The following CSMD1 variants were observed in gnomAD, a reference collection of about 807,000 sequenced individuals.
CSMD1 encodes CUB and sushi domain-containing protein 1.
Under a neutral mutation model 417.5 loss-of-function variants are expected in CSMD1, and 213 were observed. The observed-to-expected ratio is 0.51, with a 90% CI of 0.46 to 0.57. The LOEUF (loss-of-function observed/expected upper bound fraction) is 0.57, where lower values mean the gene tolerates loss of function less well. CSMD1 is among the 20% of genes least tolerant of loss of function. The probability of loss-of-function intolerance (pLI) is 0.00; values close to 1 mark genes in which losing one functional copy is unlikely to be tolerated. For synonymous variants in CSMD1, 2,862 were observed against 1,736.8 expected (o/e 1.65, Z -16.11); for missense variants, 6,923 against 4,529.7 (o/e 1.53, Z -15.17).
chr8:4,091,804 G>A (rs1800734940), intron 3 of CSMD1, among the ~76,000 whole-genome samples: 1 of 152,128 alleles, frequency 6.6e-6, no homozygotes, highest in South Asian at 2.1e-4. Context: ...GTAAAATACT[G>A]GAAGAGGCCT....
At chr8:3,675,597 A>G (rs578177509) in intron 7 of CSMD1, among the ~76,000 whole-genome samples, 2 of 152,312 alleles carry the variant, frequency 1.3e-5, no homozygotes, top group African/African-American at 4.8e-5. Flanking sequence ...TTGATACCCC[A>G]TGATGAGATT....
At chr8:3,183,719 G>A (rs1326230616) in intron 36 of CSMD1, among the ~76,000 whole-genome samples, 1 of 152,122 alleles carries the variant, frequency 6.6e-6, no homozygotes, top group Non-Finnish European at 1.5e-5. Context: ...AATACCATTG[G>A]CATCCATCCA....
intron 2 of CSMD1, among the ~76,000 whole-genome samples, chr8:4,586,692 C>T (rs1390021925): frequency 6.6e-6 from 1 of 152,098 alleles, no homozygotes; most frequent in Non-Finnish European, 1.5e-5. Flanking sequence ...ATATGAAATA[C>T]CGCCACACCA....
At chr8:2,987,446 T>A (rs1035038240) in intron 54 of CSMD1, among the ~76,000 whole-genome samples, 3 of 148,686 alleles carry the variant, frequency 2.0e-5, no homozygotes, top group South Asian at 2.1e-4. Context: ...AAGAAATATA[T>A]AAAGAAGTAT....
chr8:3,407,842 T>G (rs578197364), intron 14 of CSMD1, 57 bp downstream of exon 14: 12 of 1,444,816 alleles, frequency 8.3e-6, no homozygotes, highest in African/African-American at 1.4e-5. Context: ...ATAAGCAAAA[T>G]GGGAACATGT....
intron 26 of CSMD1, among the ~76,000 whole-genome samples, chr8:3,277,453 G>C (rs897521104): frequency 6.6e-6 from 1 of 152,158 alleles, no homozygotes; most frequent in Admixed American, 6.5e-5. Context: ...GGCACAGGTT[G>C]GGAGAATTGG....
At chr8:4,597,252 C>G (rs1800335166) in intron 2 of CSMD1, among the ~76,000 whole-genome samples, 1 of 151,924 alleles carries the variant, frequency 6.6e-6, no homozygotes, top group Admixed American at 6.6e-5. Context: ...ATATATTATC[C>G]CATGCCTTTG....
intron 1 of CSMD1, among the ~76,000 whole-genome samples, chr8:4,948,082 ATTTT>A (rs140330568): frequency 6.6e-6 from 1 of 151,234 alleles, no homozygotes; most frequent in Non-Finnish European, 1.5e-5. Context: ...AAGAACATTA[ATTTT>A]TTTTTAAGTG....
intron 2 of CSMD1, among the ~76,000 whole-genome samples, chr8:4,616,047 T>C (rs1014266858): frequency 6.6e-6 from 1 of 152,196 alleles, no homozygotes; most frequent in Non-Finnish European, 1.5e-5. Flanking sequence ...AACTTAGTTC[T>C]ACCCAATAGT....
At position 3,259,901 on chromosome 8, in the gene CSMD1, A is replaced by G. The variant is rs1442932860; in HGVS notation, c.4153+24243T>C. On this transcript the variant is annotated intron_variant, in intron 26 of 69. Transcript: ENST00000635120. ...TTTATGACACATGAAATTCAAACAC[A>G]TCTCTGACCACTCATACATGCGTTG... 7.5e-4 allele frequency among the ~76,000 whole-genome samples: 114 copies of G among 152,256 alleles called. 2 individuals carry two copies. Among genetic ancestry groups the G allele is most frequent in the Non-Finnish European group, 1.5e-5 (1 of 68,020 alleles).
intron 1 of CSMD1, among the ~76,000 whole-genome samples, chr8:4,836,801 CG>C (rs1197906049): frequency 1.3e-5 from 2 of 151,784 alleles, no homozygotes; most frequent in Non-Finnish European, 2.9e-5. Flanking sequence ...CTGATGTAAT[CG>C]GGCCCTGTGT....
chr8:4,935,224 C>G (rs1332798325), intron 1 of CSMD1, among the ~76,000 whole-genome samples: 2 of 152,170 alleles, frequency 1.3e-5, no homozygotes, highest in Non-Finnish European at 1.5e-5. Flanking sequence ...GTCCCTGGAT[C>G]CAGAGTTCTT....
intron 3 of CSMD1, among the ~76,000 whole-genome samples, chr8:4,211,800 C>G (rs1158555661): frequency 1.3e-5 from 2 of 152,152 alleles, no homozygotes; most frequent in African/African-American, 4.8e-5. Context: ...TTACATACTT[C>G]TGGACTTTAG....
At chr8:3,451,746 G>C (rs1007828880) in intron 12 of CSMD1, among the ~76,000 whole-genome samples, 20 of 152,282 alleles carry the variant, frequency 1.3e-4, no homozygotes, top group African/African-American at 4.8e-4. Flanking sequence ...AAGTCAGGTA[G>C]CATGACGCCT....
intron 41 of CSMD1, among the ~76,000 whole-genome samples, chr8:3,141,972 T>C (rs1049476393): frequency 1.3e-5 from 2 of 152,034 alleles, no homozygotes; most frequent in Non-Finnish European, 1.5e-5. Context: ...TAATTTTTGG[T>C]ATTTTTAGTA....
rs1804280805 is a variant in CSMD1, at chr8:4,267,311, A to T, written c.415+152642T>A. Among the ~76,000 whole-genome samples the T allele has an allele frequency of 1.9e-5, 2 of 103,804 alleles. 1 individual carries two copies. Among genetic ancestry groups the T allele is most frequent in the Admixed American group, 1.8e-4 (2 of 10,872 alleles). 68.1% of individuals were successfully genotyped at this position (103,804 alleles called of 152,430 possible). ...TAGCTATAACCATTTAGAAAATATAATTTAAAAATTATAAAATAGCAATTA... is the reference window on the plus strand; with the variant it reads ...TAGCTATAACCATTTAGAAAATATATTTTAAAAATTATAAAATAGCAATTA... On this transcript the variant is annotated intron_variant, in intron 3 of 69. Coordinates refer to ENST00000635120, the MANE Select transcript of CSMD1 (RefSeq NM_033225.6).
chr8:3,292,434 G>A (rs1207001512), intron 25 of CSMD1, among the ~76,000 whole-genome samples: 1 of 152,150 alleles, frequency 6.6e-6, no homozygotes, highest in Non-Finnish European at 1.5e-5. Context: ...GGGTGTTAAA[G>A]TCTCCCATTA....
chr8:4,381,916 C>G (rs946372099), intron 3 of CSMD1, among the ~76,000 whole-genome samples: 26 of 152,130 alleles, frequency 1.7e-4, no homozygotes, highest in African/African-American at 6.3e-4. Flanking sequence ...CACTTGCCCA[C>G]TGCAGGGAAA....
intron 3 of CSMD1, among the ~76,000 whole-genome samples, chr8:4,087,401 C>A (rs1231569053): frequency 6.6e-6 from 1 of 152,196 alleles, no homozygotes; most frequent in Non-Finnish European, 1.5e-5. Flanking sequence ...GCTGTTCTTG[C>A]ATTTTGAGCA....
Sources: gnomAD v4.1 joint callset for allele counts (sites outside exome capture counted in the v4.1 genomes callset) on GRCh38, gnomAD v4.1.1 for gene constraint, MANE v1.5 for transcripts, NCBI Gene and HGNC (gene_info 2026-07-23, HGNC 2026-07-21) for gene names.